PRKCE: variants seen among roughly 807,000 people sequenced by gnomAD.
The protein encoded by PRKCE is protein kinase C epsilon type.
Under a neutral mutation model 85.4 loss-of-function variants are expected in PRKCE, and 16 were observed. That is an observed-to-expected ratio of 0.19 (90% confidence interval 0.13 to 0.28). The LOEUF (loss-of-function observed/expected upper bound fraction) is 0.28. Among genes scored for constraint, PRKCE ranks in the 10% least tolerant of loss-of-function variants. The pLI is 1.00. For synonymous variants in PRKCE, 388 were observed against 371.5 expected (o/e 1.04, Z -0.51); for missense variants, 573 against 975.2 (o/e 0.59, Z 5.49).
intron 2 of PRKCE, among the ~76,000 whole-genome samples, chr2:45,848,763 C>G (rs1692002476): frequency 6.6e-6 from 1 of 152,156 alleles, no homozygotes. Flanking sequence ...ATTAGGCACC[C>G]TAGACTTGCA....
chr2:45,781,572 G>A (rs1293853267), intron 1 of PRKCE, among the ~76,000 whole-genome samples: 1 of 152,152 alleles, frequency 6.6e-6, no homozygotes, highest in African/African-American at 2.4e-5. Flanking sequence ...TTTGAAACAG[G>A]TGCAGGGAGC....
intron 11 of PRKCE, among the ~76,000 whole-genome samples, chr2:46,132,554 T>A (rs1674566399): frequency 6.6e-6 from 1 of 152,158 alleles, no homozygotes; most frequent in East Asian, 1.9e-4. Flanking sequence ...GATTATGTCC[T>A]CCCTGATGAA....
chr2:45,695,208 T>C (rs1344139378), intron 1 of PRKCE, among the ~76,000 whole-genome samples: 12 of 152,218 alleles, frequency 7.9e-5, no homozygotes, highest in Admixed American at 7.2e-4. Flanking sequence ...CTCTTCTTCT[T>C]GACTTTGGTC....
In PRKCE at chr2:45,937,732, A is replaced by G. The variant is rs193280830; in HGVS notation, c.413-38697A>G. Among the ~76,000 whole-genome samples, 4 of 152,280 alleles carry G rather than the reference A, an allele frequency of 2.6e-5. No homozygotes were observed. The East Asian group carries it at 7.7e-4, about 29-fold the overall frequency. ...TCCGTCTCAAAGAAAAAAAAAAAGA[A>G]AGAAAACTTGTAGGTATATATCATC... On this transcript the variant is annotated intron_variant, in intron 2 of 14. Transcript: ENST00000306156.
chr2:45,853,810 A>C (rs1036418376), intron 2 of PRKCE, among the ~76,000 whole-genome samples: 1 of 152,168 alleles, frequency 6.6e-6, no homozygotes, highest in African/African-American at 2.4e-5. Flanking sequence ...CATGGATCTG[A>C]ATGTTTAAGC....
At chr2:45,811,348 C>A (rs1688640177) in intron 1 of PRKCE, among the ~76,000 whole-genome samples, 1 of 152,120 alleles carries the variant, frequency 6.6e-6, no homozygotes, top group Non-Finnish European at 1.5e-5. Flanking sequence ...AGAATGGTCT[C>A]CAAGATACAG....
intron 5 of PRKCE, among the ~76,000 whole-genome samples, chr2:45,984,327 A>C (rs1703142376): frequency 6.6e-6 from 1 of 152,150 alleles, no homozygotes; most frequent in Non-Finnish European, 1.5e-5. Context: ...CTGGCCTTGC[A>C]CAGTCAAATG....
intron 11 of PRKCE, among the ~76,000 whole-genome samples, chr2:46,104,924 G>T (rs1671573854): frequency 2.0e-5 from 3 of 152,076 alleles, no homozygotes; most frequent in Admixed American, 2.0e-4. Flanking sequence ...GATTGCATTT[G>T]CACAAAACAG....
intron 2 of PRKCE, among the ~76,000 whole-genome samples, chr2:45,975,944 T>A (rs1290871120): frequency 6.6e-6 from 1 of 152,188 alleles, no homozygotes; most frequent in African/African-American, 2.4e-5. Context: ...AAGCTTAGGG[T>A]GTGGAGATTC....
chr2:45,670,384 G>A (rs894370242), intron 1 of PRKCE, among the ~76,000 whole-genome samples: 21 of 152,298 alleles, frequency 1.4e-4, no homozygotes, highest in African/African-American at 5.1e-4. Context: ...CCTCAATGAA[G>A]TTGATGAAAT....
intron 1 of PRKCE, among the ~76,000 whole-genome samples, chr2:45,806,205 C>T (rs778572018): frequency 7.2e-5 from 11 of 152,128 alleles, no homozygotes; most frequent in South Asian, 2.1e-4. Flanking sequence ...GAATTTGCTT[C>T]GGGAATCCTG....
At chr2:46,170,506 TG>T (rs1249105624) in intron 14 of PRKCE, among the ~76,000 whole-genome samples, 1 of 152,250 alleles carries the variant, frequency 6.6e-6, no homozygotes, top group African/African-American at 2.4e-5. Flanking sequence ...ACATCTGTTT[TG>T]TTCACAAATG....
chr2:45,704,813 A>G (rs917116717), intron 1 of PRKCE, among the ~76,000 whole-genome samples: 2 of 152,224 alleles, frequency 1.3e-5, no homozygotes, highest in Non-Finnish European at 1.5e-5. Context: ...GTTCACTGCC[A>G]TATTTTAAGT....
intron 1 of PRKCE, among the ~76,000 whole-genome samples, chr2:45,713,380 A>G (rs1679829016): frequency 6.6e-6 from 1 of 152,144 alleles, no homozygotes; most frequent in Admixed American, 6.5e-5. Flanking sequence ...GGTAATGGAT[A>G]GCTGTAAAGA....
intron 11 of PRKCE, among the ~76,000 whole-genome samples, chr2:46,127,600 G>C (rs897022019): frequency 6.6e-6 from 1 of 152,198 alleles, no homozygotes; most frequent in African/African-American, 2.4e-5. Context: ...ATGATGGCCA[G>C]CAGGGCCTCT....
At chr2:45,732,458 C>A (rs903282963) in intron 1 of PRKCE, among the ~76,000 whole-genome samples, 3 of 152,220 alleles carry the variant, frequency 2.0e-5, no homozygotes, top group Middle Eastern at 3.4e-3. Flanking sequence ...TTGGTCATTA[C>A]CTGTATTAAA....
At chr2:45,909,903 C>G (rs1051115571) in intron 2 of PRKCE, among the ~76,000 whole-genome samples, 1 of 152,216 alleles carries the variant, frequency 6.6e-6, no homozygotes, top group Non-Finnish European at 1.5e-5. Context: ...GGCTCTAGTT[C>G]CACATGCTGC....
At chr2:45,669,097 A>AC (rs1164688087) in intron 1 of PRKCE, among the ~76,000 whole-genome samples, 13 of 151,636 alleles carry the variant, frequency 8.6e-5, no homozygotes, top group Admixed American at 7.2e-4. Context: ...TTAGAAGCCC[A>AC]CCCCCTCACA....
intron 2 of PRKCE, among the ~76,000 whole-genome samples, chr2:45,971,045 G>C (rs949819667): frequency 6.6e-6 from 1 of 151,872 alleles, no homozygotes; most frequent in Non-Finnish European, 1.5e-5. Flanking sequence ...TAAGATGTAC[G>C]CTTTCAGCAA....
Sources: allele counts gnomAD v4.1 joint callset (sites outside exome capture counted in the v4.1 genomes callset), GRCh38; gene constraint gnomAD v4.1.1; transcripts MANE v1.5; gene names NCBI Gene and HGNC (gene_info 2026-07-23, HGNC 2026-07-21).